The following PNPLA6 variants were observed in gnomAD, a reference collection of about 807,000 sequenced individuals.
The protein encoded by PNPLA6 is patatin like domain 6, lysophospholipase.
PNPLA6 carries 105 observed loss-of-function variants against 153.7 expected under a neutral mutation model. That is an observed-to-expected ratio of 0.68 (90% CI 0.58 to 0.80). The LOEUF is 0.80. Among genes scored for constraint, PNPLA6 ranks in the 30% least tolerant of loss-of-function variants. The pLI is 0.00. For synonymous variants in PNPLA6, 825 were observed against 822.2 expected, an observed-to-expected ratio of 1.00 and a Z score of -0.06; for missense variants, 1,423 against 1,919.3, an observed-to-expected ratio of 0.74 and a Z score of 4.83.
chr19:7,536,926 CAAAAAAAAAAAAAAA>C (rs56310906), intron 3 of PNPLA6, among the ~76,000 whole-genome samples: 19 of 53,978 alleles, frequency 3.5e-4, no homozygotes, highest in African/African-American at 1.4e-3. Flanking sequence ...GACTCTGTCT[CAAAAAAAAAAAAAAA>C]AAAAAAAAAA....
At chr19:7,560,887 C>G in intron 29 of PNPLA6, 123 bp downstream of exon 29, 1 of 847,154 alleles carries the variant, frequency 1.2e-6, no homozygotes, top group Non-Finnish European at 2.0e-6. Context: ...AGCTCTCAGA[C>G]CTCTGCTGAC....
chr19:7,539,738 CAA>C (rs1047837437), intron 3 of PNPLA6, among the ~76,000 whole-genome samples, 178 bp from the exon 4 acceptor site: 11 of 87,178 alleles, frequency 1.3e-4, no homozygotes, highest in East Asian at 6.4e-4. Context: ...GCCTGGGAAA[CAA>C]GAGCAAAACT....
rs1424010844 is a variant in PNPLA6, at chr19:7,557,294, C to T, written c.3397+10C>T. 1.0e-5 allele frequency: 16 copies of T among 1,538,112 alleles called. No homozygotes were observed. The highest frequency in any genetic ancestry group is 2.7e-5 in the African/African-American group (2 of 73,614). ...ATCAACAATCTGCCAGGCAAGTGGC[C>T]GCCCGCACCACCCGCACACGCAAGC... is the stretch of plus-strand genomic sequence containing the variant. On this transcript the variant is annotated intron_variant, in intron 27 of 31. Coordinates refer to ENST00000600737, the MANE Select transcript of PNPLA6 (RefSeq NM_001166114.2).
chr19:7,535,324 G>T, upstream of PNPLA6: 1 of 624,640 alleles, frequency 1.6e-6, no homozygotes, highest in Non-Finnish European at 2.9e-6. This position sits in a 1 kb window ranked among gnomAD's most constrained non-coding sequence, Gnocchi z 5.0. Context: ...GGCCAGGGCC[G>T]AGAGGTCGGT....
In PNPLA6 at chr19:7,561,337, G is replaced by T; in HGVS notation, c.4023+20G>T. ...GAGATGGTGAGAGTGGGTGGCCCAG[G>T]GTCCCCTCACATCCCCCAGAGGGTC... On this transcript the variant is annotated intron_variant, in intron 31 of 31. Transcript: ENST00000600737. 6.4e-7 allele frequency: 1 copy of T among 1,558,354 alleles called. No individual in the cohort carries two copies. The highest frequency in any genetic ancestry group is 8.8e-7 in the Non-Finnish European group (1 of 1,140,680).
In PNPLA6 at chr19:7,540,534, G is replaced by A. The variant is rs1420773272; in HGVS notation, c.715-96G>A. Reference sequence around the variant, plus strand: ...GGGTTGGTGGGTTCCCCTGAGAAGGGATGAGAAGTGTCAGTGATCATTGGG... The same window carrying A: ...GGGTTGGTGGGTTCCCCTGAGAAGGAATGAGAAGTGTCAGTGATCATTGGG... On this transcript the variant is annotated intron_variant, in intron 5 of 31. Coordinates refer to ENST00000600737, the MANE Select transcript of PNPLA6 (RefSeq NM_001166114.2). The surrounding 1 kb of genome is among the most constrained non-coding windows in gnomAD (Gnocchi z 6.8). 4.4e-6 allele frequency: 5 copies of A among 1,124,252 alleles called. No homozygotes were observed. The East Asian group carries it at 1.2e-4, about 26-fold the overall frequency. The allele number at this position is 1,124,252 out of a possible 1,614,324, so 69.6% of individuals were successfully genotyped here. A position where few individuals can be genotyped will look rare whatever the true frequency, so the allele number is the denominator to read the frequency against.
intron 18 of PNPLA6, among the ~76,000 whole-genome samples, chr19:7,552,796 G>GAAAGA (rs2023714742): frequency 6.6e-6 from 1 of 151,108 alleles, no homozygotes. Flanking sequence ...AAAAGAAAAG[G>GAAAGA]AAAGAAATTA....
intron 12 of PNPLA6, 33 bp from the exon 13 acceptor site, chr19:7,542,974 G>A (rs755677083): frequency 1.2e-6 from 2 of 1,613,434 alleles, no homozygotes; most frequent in East Asian, 4.5e-5. Flanking sequence ...GGGAGGCCTG[G>A]CTGCGCCCAT....
chr19:7,550,416 C>T lies in PNPLA6; in HGVS notation c.1933C>T (p.Arg645Cys). 6.2e-7 allele frequency: 1 copy of T among 1,611,448 alleles called. No homozygotes were observed. Among genetic ancestry groups the T allele is most frequent in the Non-Finnish European group, 8.5e-7 (1 of 1,179,914 alleles). ...AIDWTAVEAG[R>C]ALYRQGDRSD... ...CGACTGGACTGCAGTGGAGGCGGGACGCGCGCTGTACAGGTGCAGCTCCCA... is the reference window on the plus strand; with the variant it reads ...CGACTGGACTGCAGTGGAGGCGGGATGCGCGCTGTACAGGTGCAGCTCCCA... Residue 645 changes from arginine to cysteine, a missense_variant, in exon 15 of 32, where the codon CGC becomes TGC. Transcript: ENST00000600737.
Position 7,555,355 on chromosome 19 carries a change from G to GGGGCGGGGCCAGGTGA in PNPLA6, c.2934_2936+13dup, listed in dbSNP as rs1167314561. ...AACACCATTGCCCTTGTGCTAGGCGGGGGCGGGGCCAGGTGAGGGCGGGGC... is the reference window on the plus strand; with the variant it reads ...AACACCATTGCCCTTGTGCTAGGCGGGGGCGGGGCCAGGTGAGGGCGGGGCCAGGTGAGGGCGGGGC... On this transcript the variant is annotated stop_gained and frameshift_variant, in exon 23 of 32. Transcript: ENST00000600737. LOFTEE classifies it high-confidence loss of function. The surrounding 1 kb of genome is among the most constrained non-coding windows in gnomAD (Gnocchi z 6.3). 4.5e-6 allele frequency: 7 copies of GGGGCGGGGCCAGGTGA among 1,552,364 alleles called. No homozygotes were observed. Among genetic ancestry groups the GGGGCGGGGCCAGGTGA allele is most frequent in the Non-Finnish European group, 5.2e-6 (6 of 1,146,670 alleles).
chr19:7,553,644 G>C (rs1167757569), intron 18 of PNPLA6, among the ~76,000 whole-genome samples: 1 of 152,212 alleles, frequency 6.6e-6, no homozygotes, highest in Non-Finnish European at 1.5e-5. Context: ...GTGGAGGGTA[G>C]ATGGCCAGGT....
In PNPLA6 at chr19:7,542,918, T is replaced by G. The variant is rs1349179050; in HGVS notation, c.1520T>G (p.Met507Arg). ...GCAAAGCAGGAGCTGGCCAAGCTGA[T>G]GCGGATTGAGGTGGGCAGCCGAGGG... Reference protein sequence around the residue: ...EAAKQELAKLMRIEDPSLLNS... With the variant: ...EAAKQELAKLRRIEDPSLLNS... The change falls in exon 12 of 32, where the codon ATG (methionine) becomes AGG (arginine). Residue 507 changes from methionine (M) to arginine (R), a missense_variant. Met to Arg is a moderately conservative substitution (Grantham distance 91). This residue lies in a region of PNPLA6 where 267 missense variants were observed against 255.1 expected (regional missense o/e 1.05). Transcript: ENST00000600737. 6.2e-7 allele frequency: 1 copy of G among 1,613,534 alleles called. No homozygotes were observed.
Position 7,555,231 on chromosome 19 carries a change from C to T in PNPLA6, c.2818-18C>T. ...CCGCCCTCATGCTCCTGGGTCGCGA[C>T]TATCTCCCCCATCCCAGCATGAGCT... On this transcript the variant is annotated intron_variant, in intron 22 of 31. Coordinates refer to ENST00000600737, the MANE Select transcript of PNPLA6 (RefSeq NM_001166114.2). This position sits in a 1 kb window ranked among gnomAD's most constrained non-coding sequence, Gnocchi z 6.3. The T allele has an allele frequency of 6.3e-7, 1 of 1,582,712 alleles. No individual in the cohort carries two copies. Among genetic ancestry groups the T allele is most frequent in the Non-Finnish European group, 8.6e-7 (1 of 1,160,890 alleles).
intron 20 of PNPLA6, 108 bp from the exon 21 acceptor site, chr19:7,554,447 T>A (rs2023782462): frequency 7.3e-7 from 1 of 1,362,964 alleles, no homozygotes; most frequent in Admixed American, 1.8e-5. Flanking sequence ...ACTTCCGTGG[T>A]GGGGGTTTGG....
chr19:7,558,309 A>C (rs1287683482), intron 27 of PNPLA6, among the ~76,000 whole-genome samples: 1 of 152,198 alleles, frequency 6.6e-6, no homozygotes, highest in East Asian at 1.9e-4. Flanking sequence ...CCACAGGCTG[A>C]GTCCTGCCCT....
chr19:7,541,849 C>A lies in PNPLA6; in HGVS notation c.1169-135C>A. The A allele has an allele frequency of 1.8e-6, 2 of 1,113,850 alleles. No individual in the cohort carries two copies. Among genetic ancestry groups the A allele is most frequent in the Non-Finnish European group, 2.7e-6 (2 of 754,456 alleles). 69.0% of individuals were successfully genotyped at this position (1,113,850 alleles called of 1,614,324 possible). On this transcript the variant is annotated intron_variant, in intron 9 of 31. Transcript: ENST00000600737. The surrounding 1 kb of genome is among the most constrained non-coding windows in gnomAD (Gnocchi z 5.2). The stretch of plus-strand genomic sequence containing the variant: ...TGACTCCTATCTGGTACCGAGGAAG[C>A]TGTGGCCTCGTCCCCAAGGGCCCAT...
rs2146051596 is a variant in PNPLA6, at chr19:7,540,374, T to A, written c.714+66T>A. On this transcript the variant is annotated intron_variant, in intron 5 of 31. Coordinates refer to ENST00000600737, the MANE Select transcript of PNPLA6 (RefSeq NM_001166114.2). This position sits in a 1 kb window ranked among gnomAD's most constrained non-coding sequence, Gnocchi z 6.8. Reference sequence around the variant, plus strand: ...GGTGGGGATGGGCAGCAGGCATTGGTCTGTAGAGCTGGTGGTCTTTGGAGA... The same window carrying A: ...GGTGGGGATGGGCAGCAGGCATTGGACTGTAGAGCTGGTGGTCTTTGGAGA... 1.3e-6 allele frequency: 2 copies of A among 1,515,650 alleles called. No individual in the cohort carries two copies. The highest frequency in any genetic ancestry group is 2.3e-5 in the East Asian group (1 of 43,806). 93.9% of individuals were successfully genotyped at this position (1,515,650 alleles called of 1,614,324 possible). A position where few individuals can be genotyped will look rare whatever the true frequency, so the allele number is the denominator to read the frequency against.
intron 13 of PNPLA6, among the ~76,000 whole-genome samples, chr19:7,547,810 AATTT>A (rs2023447500): frequency 1.2e-5 from 1 of 83,558 alleles, no homozygotes; most frequent in African/African-American, 4.5e-5. Flanking sequence ...GCTAATTAAA[AATTT>A]TTTTTTTTTT....
chr19:7,541,555 G>T lies in PNPLA6; in HGVS notation c.1039G>T (p.Gly347Cys). ...GCCCCTGCGTCTGTTCCCCAGCCCC[G>T]GCCTCCCAACTCGCACCAGCCCTGT... ...IQPLRLFPSP[G>C]LPTRTSPVRG... Residue 347 changes from glycine (G) to cysteine (C), a missense_variant, in exon 9 of 32, where the codon GGC becomes TGC. Coordinates refer to ENST00000600737, the MANE Select transcript of PNPLA6 (RefSeq NM_001166114.2). The surrounding 1 kb of genome is among the most constrained non-coding windows in gnomAD (Gnocchi z 5.2). 6.2e-7 allele frequency: 1 copy of T among 1,602,482 alleles called. No homozygotes were observed. The highest frequency in any genetic ancestry group is 1.1e-5 in the South Asian group (1 of 89,414).
Sources: allele counts gnomAD v4.1 joint callset (sites outside exome capture counted in the v4.1 genomes callset), GRCh38; gene constraint gnomAD v4.1.1; regional missense constraint gnomAD v4.1.1; non-coding constraint Gnocchi (gnomAD v3.1); transcripts MANE v1.5; gene names NCBI Gene and HGNC (gene_info 2026-07-23, HGNC 2026-07-21).